NTRK1: variants seen among roughly 807,000 people sequenced by gnomAD.
The protein encoded by NTRK1 is neurotrophic receptor tyrosine kinase 1, also known as high affinity nerve growth factor receptor.
NTRK1 carries 62 observed loss-of-function variants against 86.8 expected under a neutral mutation model. The observed-to-expected ratio is 0.71, with a 90% CI of 0.58 to 0.88. The LOEUF is 0.88. NTRK1 is among the 40% of genes least tolerant of loss of function. The probability of loss-of-function intolerance (pLI) is 0.00; values close to 1 mark genes in which losing one functional copy is unlikely to be tolerated. For missense variants in NTRK1, 967 were observed against 1,078.4 expected (o/e 0.90, Z 1.45); for synonymous variants, 469 against 456.6 (o/e 1.03, Z -0.35).
chr1:156,845,922 G>A, intron 2 of NTRK1: 2 of 1,603,822 alleles, frequency 1.2e-6, no homozygotes, highest in East Asian at 2.3e-5. Flanking sequence ...CACCCGCCCC[G>A]CGGCCGGCCT....
intron 10 of NTRK1, 61 bp from the exon 11 acceptor site, chr1:156,874,845 A>G (rs1647797425): frequency 7.5e-7 from 1 of 1,341,818 alleles, no homozygotes; most frequent in Non-Finnish European, 1.1e-6. Flanking sequence ...ATGGCTTACT[A>G]CAGGAGGCTC....
intron 1 of NTRK1, among the ~76,000 whole-genome samples, chr1:156,830,999 A>G (rs1238987358): frequency 6.6e-6 from 1 of 152,096 alleles, no homozygotes; most frequent in African/African-American, 2.4e-5. Context: ...TGAGGGTCAG[A>G]CCTCAGGTCT....
chr1:156,841,632 T>A, intron 1 of NTRK1: 1 of 1,610,806 alleles, frequency 6.2e-7, no homozygotes, highest in Non-Finnish European at 8.5e-7. Context: ...CGCCTCCACA[T>A]CCCTGGAGCC....
intron 2 of NTRK1, chr1:156,853,620 C>T (rs1655305912): frequency 2.1e-6 from 2 of 934,172 alleles, no homozygotes; most frequent in African/African-American, 1.6e-5. Flanking sequence ...TCCTTACCTG[C>T]CTCATAGGAT....
intron 1 of NTRK1, chr1:156,840,763 C>T (rs1392286406): frequency 1.9e-5 from 16 of 837,160 alleles, no homozygotes; most frequent in Non-Finnish European, 3.1e-5. Flanking sequence ...CACCCTCGGC[C>T]ATCCCTTGCC....
At chr1:156,832,898 A>G (rs1654500698) in intron 1 of NTRK1, among the ~76,000 whole-genome samples, 1 of 152,240 alleles carries the variant, frequency 6.6e-6, no homozygotes, top group South Asian at 2.1e-4. Flanking sequence ...CATGCCCCTC[A>G]GGGCAGGGGC....
At chr1:156,852,170 A>G (rs1016980296) in intron 2 of NTRK1, 2 of 1,603,934 alleles carry the variant, frequency 1.2e-6, no homozygotes, top group Non-Finnish European at 1.7e-6. Flanking sequence ...TGTGCAAGCC[A>G]TCCCATGGGG....
intron 1 of NTRK1, among the ~76,000 whole-genome samples, chr1:156,830,643 G>A (rs531251229): frequency 4.2e-5 from 6 of 142,480 alleles, no homozygotes; most frequent in South Asian, 2.2e-4. Flanking sequence ...TGCAACCTCC[G>A]CCTCCAGTTC....
intron 7 of NTRK1, among the ~76,000 whole-genome samples, chr1:156,872,671 G>A (rs1489653449): frequency 6.6e-6 from 1 of 150,770 alleles, no homozygotes; most frequent in Non-Finnish European, 1.5e-5. Context: ...ACCAGATTGG[G>A]TCTATTTCTT....
intron 1 of NTRK1, chr1:156,841,793 G>A: frequency 6.2e-7 from 1 of 1,614,162 alleles, no homozygotes; most frequent in Non-Finnish European, 8.5e-7. Context: ...TCATCCCGAA[G>A]TCTGGAAAGT....
At position 156,876,181 on chromosome 1, in the gene NTRK1, G is replaced by A. The variant is rs2102917737; in HGVS notation, c.1603G>A (p.Glu535Lys). 1 of 1,614,186 alleles carries A rather than the reference G, an allele frequency of 6.2e-7. No homozygotes were observed. Among genetic ancestry groups the A allele is most frequent in the Non-Finnish European group, 8.5e-7 (1 of 1,180,036 alleles). ...FLAECHNLLP[E>K]QDKMLVAVKA... ...TGCTGAGTGCCACAACCTCCTGCCT[G>A]AGCAGGACAAGATGCTGGTGGCTGT... Residue 535 changes from glutamate to lysine, a missense_variant, in exon 13 of 17, where the codon GAG becomes AAG. This residue lies in a region of NTRK1 where 637 missense variants were observed against 776.5 expected (regional missense o/e 0.82). Coordinates refer to ENST00000524377, the MANE Select transcript of NTRK1 (RefSeq NM_002529.4).
chr1:156,880,195 C>G (rs200468347), intron 16 of NTRK1, 38 bp downstream of exon 16: 8 of 1,607,314 alleles, frequency 5.0e-6, no homozygotes, highest in Non-Finnish European at 6.8e-6. Context: ...GCTGGCCTCC[C>G]CGTCCCATGC....
exon 2 of NTRK1, chr1:156,842,105 T>A: frequency 6.2e-7 from 1 of 1,613,808 alleles, no homozygotes. Flanking sequence ...CCTGGCACCC[T>A]CTGTACCCCC....
intron 1 of NTRK1, chr1:156,840,821 C>G: frequency 7.2e-7 from 1 of 1,389,398 alleles, no homozygotes; most frequent in East Asian, 2.3e-5. Flanking sequence ...CCACAGAGGT[C>G]GGGTCCCTTC....
At chr1:156,851,430 G>A (rs1655201388) in intron 2 of NTRK1, 6 of 1,614,068 alleles carry the variant, frequency 3.7e-6, no homozygotes, top group African/African-American at 1.3e-5. Context: ...GTGGCTCCAG[G>A]TTGTCTAGGG....
intron 2 of NTRK1, chr1:156,853,603 C>T: frequency 1.2e-6 from 1 of 832,348 alleles, no homozygotes; most frequent in Admixed American, 2.7e-5. Flanking sequence ...TTTTCTGAGC[C>T]TTAGTTTCCT....
chr1:156,867,533 C>T (rs1214062467), intron 4 of NTRK1, among the ~76,000 whole-genome samples: 3 of 152,208 alleles, frequency 2.0e-5, no homozygotes, highest in African/African-American at 7.2e-5. Flanking sequence ...GGGGTTTTGC[C>T]ATGTTGCCCA....
intron 1 of NTRK1, among the ~76,000 whole-genome samples, chr1:156,837,439 G>A (rs999817833): frequency 2.6e-5 from 4 of 152,226 alleles, no homozygotes; most frequent in Non-Finnish European, 5.9e-5. Flanking sequence ...TTACTAGTGG[G>A]CCCTTGGCCG....
At chr1:156,874,423 C>T (rs1647765959) in intron 9 of NTRK1, 23 bp downstream of exon 9, 4 of 1,614,076 alleles carry the variant, frequency 2.5e-6, no homozygotes, top group Non-Finnish European at 3.4e-6. Context: ...AGGTGGAGGG[C>T]AGGTTCTGCC....
Sources: gnomAD v4.1 joint callset for allele counts (sites outside exome capture counted in the v4.1 genomes callset) on GRCh38, gnomAD v4.1.1 for gene constraint, gnomAD v4.1.1 regional missense constraint, MANE v1.5 for transcripts, NCBI Gene and HGNC (gene_info 2026-07-23, HGNC 2026-07-21) for gene names.